Variants in ATP1B3 observed in about 807,000 individuals in gnomAD.
ATP1B3 encodes the protein ATPase Na+/K+ transporting subunit beta 3.
ATP1B3 carries 10 observed loss-of-function variants against 30.2 expected under a neutral mutation model. The ratio of observed to expected loss-of-function variants is 0.33; its 90% CI spans 0.20 to 0.56. The LOEUF (loss-of-function observed/expected upper bound fraction) is 0.56. ATP1B3 is among the 20% of genes least tolerant of loss of function. The pLI is 0.90. For synonymous variants in ATP1B3, 113 were observed against 117.0 expected (o/e 0.97, Z 0.22); for missense variants, 238 against 336.7 (o/e 0.71, Z 2.29).
At chr3:141,924,162 G>A (rs142811564) in intron 6 of ATP1B3, among the ~76,000 whole-genome samples, 3,045 of 150,286 alleles carry the variant, frequency 0.02, 39 homozygotes, top group Non-Finnish European at 0.03. Flanking sequence ...TGACCAACAT[G>A]GTGAAACGCT....
intron 6 of ATP1B3, among the ~76,000 whole-genome samples, chr3:141,922,477 A>AC (rs1354681258): frequency 6.6e-6 from 1 of 151,222 alleles, no homozygotes; most frequent in South Asian, 2.1e-4. Flanking sequence ...ACTTGGCGAA[A>AC]CCCCCTCTCT....
intron 1 of ATP1B3, among the ~76,000 whole-genome samples, chr3:141,891,884 G>A (rs1933960353): frequency 6.8e-6 from 1 of 147,838 alleles, no homozygotes; most frequent in Admixed American, 6.8e-5. Context: ...GTTAGAGAAT[G>A]TGGCCTCTTT....
rs776879107 is a variant in ATP1B3 at position 141,926,235 on chromosome 3, A to G, written c.*534A>G. ...GTTCTTTGTAAAATTTATTTTTTAC[A>G]TGCTGAATTAGCCTCGATCTTTTTG... On this transcript the variant is annotated 3_prime_UTR_variant, in exon 7 of 7. Coordinates refer to ENST00000286371, the MANE Select transcript of ATP1B3 (RefSeq NM_001679.4). 1 of 152,286 alleles carries G rather than the reference A, an allele frequency of 6.6e-6. No homozygotes were observed. Among genetic ancestry groups the G allele is most frequent in the Non-Finnish European group, 1.5e-5 (1 of 68,054 alleles). 9.4% of individuals were successfully genotyped at this position (152,286 alleles called of 1,614,324 possible).
At chr3:141,884,073 C>G (rs1933785509) in intron 1 of ATP1B3, among the ~76,000 whole-genome samples, 1 of 151,998 alleles carries the variant, frequency 6.6e-6, no homozygotes, top group South Asian at 2.1e-4. Flanking sequence ...TTTCTTTTAC[C>G]TGCTCTCAAA....
intron 5 of ATP1B3, among the ~76,000 whole-genome samples, chr3:141,918,513 C>G (rs563200338): frequency 8.6e-5 from 13 of 151,416 alleles, no homozygotes; most frequent in Admixed American, 3.9e-4. Flanking sequence ...GGTGCGATCT[C>G]AGCTCACCTT....
chr3:141,919,299 A>G lies in ATP1B3; in HGVS notation c.583-2678A>G, dbSNP rs143347947. Among the ~76,000 whole-genome samples, 88 of 150,448 alleles carry G rather than the reference A, an allele frequency of 5.8e-4. 1 individual carries two copies. The highest frequency in any genetic ancestry group is 2.1e-3 in the African/African-American group (84 of 40,940). On this transcript the variant is annotated intron_variant, in intron 5 of 6. Transcript: ENST00000286371. ...GCTTTTTTTTTTTCTCTCTCTCTCC[A>G]TAGAGACAGGGTGTCACCATGTTGC...
chr3:141,920,278 A>C (rs1934543872), intron 5 of ATP1B3, among the ~76,000 whole-genome samples: 1 of 152,040 alleles, frequency 6.6e-6, no homozygotes, highest in Non-Finnish European at 1.5e-5. Context: ...TCTGGTAGGA[A>C]ACCCACTCTG....
At position 141,922,102 on chromosome 3, in the gene ATP1B3, T is replaced by C. The variant is rs752218655; in HGVS notation, c.669+39T>C. On this transcript the variant is annotated intron_variant, in intron 6 of 6. Coordinates refer to ENST00000286371, the MANE Select transcript of ATP1B3 (RefSeq NM_001679.4). ...AGTTCTTATGTGGTGATTACTCTTT[T>C]GGGAAGCTGGAGCATGTGTTGACGT... is the stretch of plus-strand genomic sequence containing the variant. 3.1e-6 allele frequency: 4 copies of C among 1,277,278 alleles called. No homozygotes were observed. In the Admixed American group the frequency reaches 8.8e-5, roughly 28 times the overall value. The allele number at this position is 1,277,278 out of a possible 1,614,324, so 79.1% of individuals were successfully genotyped here. A position where few individuals can be genotyped will look rare whatever the true frequency, so the allele number is the denominator to read the frequency against.
chr3:141,910,783 C>CCT (rs397776661), intron 3 of ATP1B3, among the ~76,000 whole-genome samples: 151 of 150,120 alleles, frequency 1.0e-3, no homozygotes, highest in African/African-American at 3.5e-3. Context: ...CTGCCCCCCC[C>CCT]TTTTTTTTAA....
intron 1 of ATP1B3, among the ~76,000 whole-genome samples, chr3:141,899,768 C>T (rs1213240119): frequency 6.6e-6 from 1 of 152,160 alleles, no homozygotes; most frequent in Non-Finnish European, 1.5e-5. Flanking sequence ...ACTCAGGAGG[C>T]TGAGGCAGGA....
chr3:141,887,403 G>A (rs1046319642), intron 1 of ATP1B3, among the ~76,000 whole-genome samples: 2 of 152,152 alleles, frequency 1.3e-5, no homozygotes, highest in Non-Finnish European at 2.9e-5. Context: ...ATATCAGTAA[G>A]TCCAACATCA....
chr3:141,900,685 G>C (rs1934146273), intron 1 of ATP1B3, among the ~76,000 whole-genome samples: 1 of 152,150 alleles, frequency 6.6e-6, no homozygotes, highest in Admixed American at 6.5e-5. Flanking sequence ...CGCCCAGTGT[G>C]GTTGAGGCAG....
intron 1 of ATP1B3, among the ~76,000 whole-genome samples, chr3:141,900,288 C>T (rs1049632639): frequency 2.6e-5 from 4 of 151,968 alleles, no homozygotes; most frequent in Non-Finnish European, 5.9e-5. Context: ...TATTGTGTGG[C>T]CTGTGGTTTA....
intron 3 of ATP1B3, among the ~76,000 whole-genome samples, chr3:141,910,859 T>C (rs1934346258): frequency 6.6e-6 from 1 of 152,030 alleles, no homozygotes; most frequent in Non-Finnish European, 1.5e-5. Context: ...AGTAATTTTA[T>C]AAGAAAAGAC....
chr3:141,901,899 G>A (rs547984489), intron 1 of ATP1B3, among the ~76,000 whole-genome samples: 7 of 152,166 alleles, frequency 4.6e-5, no homozygotes, highest in Non-Finnish European at 1.0e-4. Flanking sequence ...TGTGGCCCCA[G>A]TCTGCCTATT....
intron 3 of ATP1B3, among the ~76,000 whole-genome samples, chr3:141,913,049 G>A (rs1401088125): frequency 6.6e-6 from 1 of 151,966 alleles, no homozygotes; most frequent in Non-Finnish European, 1.5e-5. Flanking sequence ...ATTGTTAATT[G>A]ATGTTTGGCA....
In ATP1B3 at chr3:141,913,720, C is replaced by T; in HGVS notation, c.415C>T (p.Pro139Ser). The T allele has an allele frequency of 6.2e-7, 1 of 1,613,778 alleles. No individual in the cohort carries two copies. Among genetic ancestry groups the T allele is most frequent in the South Asian group, 1.1e-5 (1 of 91,062 alleles). ...PDGALFEQKGPVYVACQFPIS... is the reference protein window; with the variant it reads ...PDGALFEQKGSVYVACQFPIS... Reference sequence around the variant, plus strand: ...TGGAGCACTTTTTGAACAGAAGGGTCCAGTTTATGTTGCATGTCAGTTTCC... The same window carrying T: ...TGGAGCACTTTTTGAACAGAAGGGTTCAGTTTATGTTGCATGTCAGTTTCC... The change falls in exon 4 of 7, where the codon CCA becomes TCA. Residue 139 changes from proline to serine, a missense_variant. Physicochemically the swap from Pro to Ser is moderately conservative, Grantham distance 74. Coordinates refer to ENST00000286371, the MANE Select transcript of ATP1B3 (RefSeq NM_001679.4).
chr3:141,881,083 AT>A (rs1019714983), intron 1 of ATP1B3, among the ~76,000 whole-genome samples: 1 of 151,922 alleles, frequency 6.6e-6, no homozygotes, highest in African/African-American at 2.4e-5. Flanking sequence ...GGTGCCTGTA[AT>A]CCCAACTACT....
At chr3:141,896,293 AC>A (rs1446084240) in intron 1 of ATP1B3, among the ~76,000 whole-genome samples, 12 of 150,432 alleles carry the variant, frequency 8.0e-5, no homozygotes, top group Non-Finnish European at 1.5e-4. Context: ...ATATGGTGAA[AC>A]CCCATCTCTA....
Sources: gnomAD v4.1 joint callset for allele counts (sites outside exome capture counted in the v4.1 genomes callset) on GRCh38, gnomAD v4.1.1 for gene constraint, MANE v1.5 for transcripts, NCBI Gene and HGNC (gene_info 2026-07-23, HGNC 2026-07-21) for gene names.